FAHD2A: variants seen among roughly 807,000 people sequenced by gnomAD.
FAHD2A encodes fumarylacetoacetate hydrolase domain containing 2A.
In FAHD2A, 27 loss-of-function variants were observed where a neutral mutation model predicts 33.4. The ratio of observed to expected loss-of-function variants is 0.81; its 90% CI spans 0.60 to 1.11. The LOEUF (loss-of-function observed/expected upper bound fraction) is 1.11. FAHD2A is among the 50% of genes most tolerant of loss of function. FAHD2A has a pLI of 0.00. For synonymous variants in FAHD2A, 130 were observed against 153.3 expected, an observed-to-expected ratio of 0.85 and a Z score of 1.12; for missense variants, 296 against 395.0, an observed-to-expected ratio of 0.75 and a Z score of 2.12.
chr2:95,405,813 T>C lies in FAHD2A; in HGVS notation c.245+10T>C, dbSNP rs778972463. On this transcript the variant is annotated intron_variant, in intron 2 of 7. Coordinates refer to ENST00000233379, the MANE Select transcript of FAHD2A (RefSeq NM_016044.3). Reference sequence around the variant, plus strand: ...TCTCAGTGGCAAGAAGGTAAGTAAGTGGGCAGCATCGCCCTGAAGCAGCTG... The same window carrying C: ...TCTCAGTGGCAAGAAGGTAAGTAAGCGGGCAGCATCGCCCTGAAGCAGCTG... 4.4e-6 allele frequency: 7 copies of C among 1,587,876 alleles called. No individual in the cohort carries two copies. The South Asian group carries it at 5.7e-5, about 13-fold the overall frequency.
At chr2:95,406,462 T>A (rs1019664874) in intron 2 of FAHD2A, among the ~76,000 whole-genome samples, 1 of 151,270 alleles carries the variant, frequency 6.6e-6, no homozygotes, top group African/African-American at 2.4e-5. Flanking sequence ...CTTGGGTATA[T>A]CTCTATAGAG....
chr2:95,411,453 G>A (rs890443781), intron 5 of FAHD2A, among the ~76,000 whole-genome samples: 18 of 152,388 alleles, frequency 1.2e-4, no homozygotes, highest in African/African-American at 3.8e-4. Context: ...CACACAGTCA[G>A]GATACAGCGC....
Position 95,415,539 on chromosome 2 carries a change from A to T in FAHD2A, c.*2582A>T, listed in dbSNP as rs1248664776. ...AAACACAAGCTGAATAAATTTATAA[A>T]TATCAGCATTAAGCGAGATTTAACG... On this transcript the variant is annotated 3_prime_UTR_variant, in exon 8 of 8. Transcript: ENST00000233379. The T allele has an allele frequency of 1.3e-5, 2 of 152,654 alleles. No individual in the cohort carries two copies. Among genetic ancestry groups the T allele is most frequent in the African/African-American group, 4.8e-5 (2 of 41,458 alleles). The allele number at this position is 152,654 out of a possible 1,614,324, so 9.5% of individuals were successfully genotyped here.
In FAHD2A at chr2:95,405,805, T is replaced by C. The variant is rs1394873358; in HGVS notation, c.245+2T>C. On this transcript the variant is annotated splice_donor_variant, in intron 2 of 7. Transcript: ENST00000233379. LOFTEE classifies it high-confidence loss of function. ...GGCCACCCTCTCAGTGGCAAGAAGG[T>C]AAGTAAGTGGGCAGCATCGCCCTGA... 3 of 1,605,578 alleles carry C rather than the reference T, an allele frequency of 1.9e-6. No homozygotes were observed. Among genetic ancestry groups the C allele is most frequent in the East Asian group, 2.2e-5 (1 of 44,524 alleles).
At position 95,413,303 on chromosome 2, in the gene FAHD2A, GGAAAAAGCAA is replaced by G; in HGVS notation, c.*349_*358del. On this transcript the variant is annotated 3_prime_UTR_variant, in exon 8 of 8. Coordinates refer to ENST00000233379, the MANE Select transcript of FAHD2A (RefSeq NM_016044.3). ...CCCCTTGTTTATCACATCAAAGAAG[GGAAAAAGCAA>G]GAGATGGCAAGGGACAATCAAGCCT... 1 of 1,433,702 alleles carries G rather than the reference GGAAAAAGCAA, an allele frequency of 7.0e-7. No individual in the cohort carries two copies. Among genetic ancestry groups the G allele is most frequent in the Non-Finnish European group, 9.2e-7 (1 of 1,085,360 alleles). The allele number at this position is 1,433,702 out of a possible 1,614,324, so 88.8% of individuals were successfully genotyped here.
chr2:95,410,970 C>T lies in FAHD2A; in HGVS notation c.629C>T (p.Thr210Ile). The part of the protein sequence containing the change: ...RNGKQWLLGK[T>I]FDTFCPLGPA... ...GGGAAACAATGGCTGCTGGGAAAAA[C>T]CTTCGACACCTTCTGCCCTCTGGGC... Residue 210 changes from threonine to isoleucine, a missense_variant, in exon 5 of 8, where the codon ACC becomes ATC. Physicochemically the swap from Thr to Ile is moderately conservative, Grantham distance 89. Transcript: ENST00000233379. 1.2e-6 allele frequency: 2 copies of T among 1,613,992 alleles called. No individual in the cohort carries two copies. The highest frequency in any genetic ancestry group is 1.7e-6 in the Non-Finnish European group (2 of 1,179,868).
rs550191575 is a variant in FAHD2A at position 95,414,326 on chromosome 2, A to G, written c.*1369A>G. The stretch of plus-strand genomic sequence containing the variant: ...AGAGGAGAAGAAAAAGAAGACATCA[A>G]AAAGAAAATCTAGTGCTGGGTGGAT... On this transcript the variant is annotated 3_prime_UTR_variant, in exon 8 of 8. Coordinates refer to ENST00000233379, the MANE Select transcript of FAHD2A (RefSeq NM_016044.3). The G allele has an allele frequency of 1.3e-5, 12 of 945,664 alleles. No homozygotes were observed. Among genetic ancestry groups the G allele is most frequent in the South Asian group, 1.2e-4 (9 of 74,162 alleles). The allele number at this position is 945,664 out of a possible 1,614,324, so 58.6% of individuals were successfully genotyped here. A position where few individuals can be genotyped will look rare whatever the true frequency, so the allele number is the denominator to read the frequency against.
intron 1 of FAHD2A, among the ~76,000 whole-genome samples, chr2:95,403,288 CTCT>C (rs1420628781): frequency 6.6e-6 from 1 of 152,136 alleles, no homozygotes; most frequent in Non-Finnish European, 1.5e-5. Flanking sequence ...TCTCAGTGTC[CTCT>C]TCTTTAAAGT....
chr2:95,409,321 C>CT (rs902835472), intron 3 of FAHD2A, among the ~76,000 whole-genome samples: 124 of 146,386 alleles, frequency 8.5e-4, no homozygotes, highest in Middle Eastern at 3.6e-3. Flanking sequence ...GAACAATGAC[C>CT]TTTTTTTTTT....
At chr2:95,403,538 G>A (rs1007686282) in intron 1 of FAHD2A, among the ~76,000 whole-genome samples, 2 of 152,200 alleles carry the variant, frequency 1.3e-5, no homozygotes, top group African/African-American at 2.4e-5. Context: ...AATCTTTAGA[G>A]ACTTTGGAGG....
downstream of FAHD2A, among the ~76,000 whole-genome samples, chr2:95,417,988 G>T (rs1262869129): frequency 6.6e-6 from 1 of 152,044 alleles, no homozygotes; most frequent in Non-Finnish European, 1.5e-5. Context: ...GCTTGTTCTG[G>T]TGCTGCTTTG....
At chr2:95,409,024 G>C (rs1682061829) in intron 3 of FAHD2A, among the ~76,000 whole-genome samples, 1 of 152,182 alleles carries the variant, frequency 6.6e-6, no homozygotes, top group South Asian at 2.1e-4. Context: ...GTTTCTTCAT[G>C]ATTAGTGTCA....
Position 95,413,509 on chromosome 2 carries a change from G to GC in FAHD2A, c.*553dup, listed in dbSNP as rs1682858724. The stretch of plus-strand genomic sequence containing the variant: ...TAGTTTTTCCTGATTGTCCAGGCTG[G>GC]CAAAAGTAGGGGACAGGTGGAGCCT... On this transcript the variant is annotated 3_prime_UTR_variant, in exon 8 of 8. Coordinates refer to ENST00000233379, the MANE Select transcript of FAHD2A (RefSeq NM_016044.3). 9.3e-6 allele frequency: 15 copies of GC among 1,608,164 alleles called. No homozygotes were observed. In the East Asian group the frequency reaches 3.3e-4, roughly 36 times the overall value.
chr2:95,418,328 G>A (rs969157543), downstream of FAHD2A, among the ~76,000 whole-genome samples: 1 of 151,868 alleles, frequency 6.6e-6, no homozygotes, highest in African/African-American at 2.4e-5. Context: ...TTTTGAGGCT[G>A]TTTGGTGGCA....
At chr2:95,404,307 T>A (rs1171382963) in intron 1 of FAHD2A, among the ~76,000 whole-genome samples, 2 of 151,842 alleles carry the variant, frequency 1.3e-5, no homozygotes, top group African/African-American at 4.8e-5. Context: ...TTTTTTTTTT[T>A]AATTGAGATG....
downstream of FAHD2A, among the ~76,000 whole-genome samples, chr2:95,420,035 A>G (rs1683293331): frequency 6.6e-6 from 1 of 151,990 alleles, no homozygotes; most frequent in Non-Finnish European, 1.5e-5. Flanking sequence ...AAGGTAGAAG[A>G]CTGATGTCCC....
At chr2:95,417,830 G>T (rs1220844475), downstream of FAHD2A, among the ~76,000 whole-genome samples, 1 of 152,090 alleles carries the variant, frequency 6.6e-6, no homozygotes, top group Non-Finnish European at 1.5e-5. Context: ...ATCCCATCAT[G>T]AGGGCTCCAT....
chr2:95,411,261 A>G (rs1236124032), intron 5 of FAHD2A, among the ~76,000 whole-genome samples: 4 of 152,258 alleles, frequency 2.6e-5, no homozygotes, highest in Non-Finnish European at 5.9e-5. Flanking sequence ...TGCGTGAAGT[A>G]AATTACAAAG....
At chr2:95,407,359 CT>C (rs770608964) in intron 3 of FAHD2A, 3 of 697,666 alleles carry the variant, frequency 4.3e-6, no homozygotes, top group Non-Finnish European at 7.2e-6. Context: ...AGCAATGCAC[CT>C]TCACTGTAGA....
Sources: allele counts gnomAD v4.1 joint callset (sites outside exome capture counted in the v4.1 genomes callset), GRCh38; gene constraint gnomAD v4.1.1; transcripts MANE v1.5; gene names NCBI Gene and HGNC (gene_info 2026-07-23, HGNC 2026-07-21).